MDGA2: variants seen among roughly 807,000 people sequenced by gnomAD.
MDGA2 encodes the protein MAM domain-containing glycosylphosphatidylinositol anchor protein 2.
In MDGA2, 40 loss-of-function variants were observed where a neutral mutation model predicts 117.8. The observed-to-expected ratio is 0.34, with a 90% CI of 0.26 to 0.44. The LOEUF (loss-of-function observed/expected upper bound fraction) is 0.44, where lower values mean the gene tolerates loss of function less well. Ranked by LOEUF, MDGA2 falls within the 20% of genes least tolerant of loss-of-function variation. MDGA2 has a pLI of 1.00. For synonymous variants in MDGA2, 452 were observed against 439.0 expected (o/e 1.03, Z -0.37); for missense variants, 1,123 against 1,250.6 (o/e 0.90, Z 1.54).
intron 4 of MDGA2, among the ~76,000 whole-genome samples, chr14:47,139,455 C>A (rs1402068689): frequency 6.6e-6 from 1 of 151,762 alleles, no homozygotes; most frequent in African/African-American, 2.4e-5. Flanking sequence ...CTTTATATAT[C>A]AACAAACATT....
At chr14:47,353,374 G>A (rs1890925321) in intron 1 of MDGA2, among the ~76,000 whole-genome samples, 1 of 152,152 alleles carries the variant, frequency 6.6e-6, no homozygotes, top group South Asian at 2.1e-4. Context: ...CGGATGTATG[G>A]TCACTACAGT....
intron 1 of MDGA2, among the ~76,000 whole-genome samples, chr14:47,434,022 A>G (rs1892849669): frequency 6.6e-6 from 1 of 152,146 alleles, no homozygotes; most frequent in Non-Finnish European, 1.5e-5. Context: ...ATAATAAGAG[A>G]ATATATCTCT....
intron 8 of MDGA2, among the ~76,000 whole-genome samples, chr14:47,027,068 G>A (rs1271249691): frequency 1.3e-5 from 2 of 151,972 alleles, no homozygotes; most frequent in Admixed American, 1.3e-4. Flanking sequence ...AGCTACTTGG[G>A]AGGTTGAGGA....
chr14:47,324,336 G>A (rs1440225589), intron 1 of MDGA2, among the ~76,000 whole-genome samples: 1 of 152,164 alleles, frequency 6.6e-6, no homozygotes, highest in Non-Finnish European at 1.5e-5. Context: ...AGGAGAGTCA[G>A]ATACATTGGT....
rs187213482 is a variant in MDGA2, at chr14:47,634,013, G to C, written c.280+40504C>G. ...TGAAGTACAGACCAAAGTGTATGTA[G>C]CCAGTAAGTGGATCCTTTAAGAAAG... On this transcript the variant is annotated intron_variant, in intron 1 of 16. Transcript: ENST00000399232. Among the ~76,000 whole-genome samples, 15 of 152,240 alleles carry C rather than the reference G, an allele frequency of 9.9e-5. No homozygotes were observed. In the East Asian group the frequency reaches 2.1e-3, roughly 22 times the overall value.
chr14:46,979,932 C>A (rs1274531612), intron 8 of MDGA2, among the ~76,000 whole-genome samples: 1 of 152,164 alleles, frequency 6.6e-6, no homozygotes, highest in Non-Finnish European at 1.5e-5. Context: ...AAACAGCCTT[C>A]TATTGGAAGA....
intron 1 of MDGA2, among the ~76,000 whole-genome samples, chr14:47,471,838 T>C (rs866392374): frequency 3.9e-5 from 6 of 152,206 alleles, no homozygotes; most frequent in African/African-American, 1.4e-4. Flanking sequence ...ATTAACTAAA[T>C]TGGAAGTTAA....
chr14:47,418,332 C>T (rs1424715898), intron 1 of MDGA2, among the ~76,000 whole-genome samples: 4 of 151,976 alleles, frequency 2.6e-5, no homozygotes, highest in Non-Finnish European at 4.4e-5. Flanking sequence ...ATGATCTGCC[C>T]GCCTTGGCCT....
chr14:47,417,932 T>A (rs904377990), intron 1 of MDGA2, among the ~76,000 whole-genome samples: 2 of 151,900 alleles, frequency 1.3e-5, no homozygotes, highest in African/African-American at 4.8e-5. Flanking sequence ...CAGGCTGGCC[T>A]CAAACTCCTG....
At chr14:47,456,125 G>A (rs1021288723) in intron 1 of MDGA2, among the ~76,000 whole-genome samples, 1 of 152,102 alleles carries the variant, frequency 6.6e-6, no homozygotes, top group Admixed American at 6.6e-5. Context: ...CATTGTAAGT[G>A]AAAGAAGGAA....
intron 8 of MDGA2, among the ~76,000 whole-genome samples, chr14:46,958,333 A>G (rs977034687): frequency 2.0e-5 from 3 of 152,176 alleles, no homozygotes; most frequent in Non-Finnish European, 4.4e-5. Flanking sequence ...GGATTAGCAT[A>G]GCTGATGCAC....
At position 46,911,047 on chromosome 14, in the gene MDGA2, T is replaced by C. The variant is rs962995943; in HGVS notation, c.2238+8965A>G. ...ATCAGGAAAAATAACTAGTGGGTACTAGGATTAATACCTGGGTGATGAAAT... is the reference window on the plus strand; with the variant it reads ...ATCAGGAAAAATAACTAGTGGGTACCAGGATTAATACCTGGGTGATGAAAT... On this transcript the variant is annotated intron_variant, in intron 10 of 16. Coordinates refer to ENST00000399232, the MANE Select transcript of MDGA2 (RefSeq NM_001113498.3). Among the ~76,000 whole-genome samples the C allele has an allele frequency of 2.6e-5, 4 of 152,252 alleles. No homozygotes were observed. In the South Asian group the frequency reaches 8.3e-4, roughly 32 times the overall value.
intron 1 of MDGA2, among the ~76,000 whole-genome samples, chr14:47,341,353 C>A (rs906407247): frequency 2.2e-4 from 33 of 152,190 alleles, no homozygotes; most frequent in African/African-American, 8.0e-4. Context: ...TGATTTTACA[C>A]ATGTCATAGA....
At chr14:46,896,350 C>T (rs548033654) in intron 10 of MDGA2, among the ~76,000 whole-genome samples, 1 of 152,178 alleles carries the variant, frequency 6.6e-6, no homozygotes, top group African/African-American at 2.4e-5. Flanking sequence ...TGAATACTTA[C>T]ACAAATGTAT....
At chr14:47,001,529 GC>G (rs1594514602) in intron 8 of MDGA2, among the ~76,000 whole-genome samples, 1 of 152,042 alleles carries the variant, frequency 6.6e-6, no homozygotes, top group East Asian at 1.9e-4. Flanking sequence ...CAGGATACAT[GC>G]ATATAGGAAA....
intron 3 of MDGA2, among the ~76,000 whole-genome samples, chr14:47,216,594 G>C (rs1886097298): frequency 6.6e-6 from 1 of 152,072 alleles, no homozygotes; most frequent in South Asian, 2.1e-4. Context: ...CTGATTTTCA[G>C]AAGTTTTTAG....
At chr14:47,652,401 C>T (rs1013402907) in intron 1 of MDGA2, among the ~76,000 whole-genome samples, 1 of 152,018 alleles carries the variant, frequency 6.6e-6, no homozygotes, top group African/African-American at 2.4e-5. Context: ...ACTATACATA[C>T]ATAACAGCAA....
At chr14:47,613,479 T>TCACACACACACA (rs1555336468) in intron 1 of MDGA2, among the ~76,000 whole-genome samples, 546 of 141,160 alleles carry the variant, frequency 3.9e-3, no homozygotes, top group African/African-American at 0.014. Flanking sequence ...TCTCTCTCTC[T>TCACACACACACA]CACACACACA....
At position 47,357,638 on chromosome 14, in the gene MDGA2, C is replaced by T. The variant is rs554797026; in HGVS notation, c.281-56088G>A. 1.3e-4 allele frequency among the ~76,000 whole-genome samples: 20 copies of T among 152,292 alleles called. No individual in the cohort carries two copies. In the South Asian group the frequency reaches 2.7e-3, roughly 20 times the overall value. ...TTGCAAGACAGTCAAGTCCACTATA[C>T]CTCACCTCACCTGGGTTCTTCCTCT... On this transcript the variant is annotated intron_variant, in intron 1 of 16. Coordinates refer to ENST00000399232, the MANE Select transcript of MDGA2 (RefSeq NM_001113498.3).
Sources: allele counts gnomAD v4.1 joint callset (sites outside exome capture counted in the v4.1 genomes callset), GRCh38; gene constraint gnomAD v4.1.1; transcripts MANE v1.5; gene names NCBI Gene and HGNC (gene_info 2026-07-23, HGNC 2026-07-21).